Variants in NUP205 observed in about 807,000 individuals in gnomAD.
The protein encoded by NUP205 is nuclear pore complex protein Nup205.
A neutral mutation model predicts 253.8 loss-of-function variants in NUP205; 76 were observed. The ratio of observed to expected loss-of-function variants is 0.30; its 90% CI spans 0.25 to 0.36. NUP205 has a LOEUF of 0.36. NUP205 is among the 10% of genes least tolerant of loss of function. NUP205 has a pLI of 1.00. For missense variants in NUP205, 2,162 were observed against 2,425.5 expected (o/e 0.89, Z 2.28); for synonymous variants, 832 against 850.1 (o/e 0.98, Z 0.37).
intron 36 of NUP205, among the ~76,000 whole-genome samples, chr7:135,637,305 C>T (rs967656982): frequency 2.0e-5 from 3 of 152,208 alleles, no homozygotes; most frequent in African/African-American, 7.2e-5. Flanking sequence ...ACCCATGTCT[C>T]TAATTTGAAA....
chr7:135,602,625 C>G (rs1304214160), intron 17 of NUP205, among the ~76,000 whole-genome samples, 180 bp from the exon 18 acceptor site: 5 of 152,098 alleles, frequency 3.3e-5, no homozygotes, highest in Non-Finnish European at 7.3e-5. Context: ...GAAGTTGGAG[C>G]TGAAATTTTG....
At chr7:135,597,030 A>T (rs1168483351) in intron 13 of NUP205, among the ~76,000 whole-genome samples, 1 of 152,064 alleles carries the variant, frequency 6.6e-6, no homozygotes, top group African/African-American at 2.4e-5. Context: ...GGCTAGTTGT[A>T]AACAGTCCAG....
chr7:135,603,064 G>T, intron 18 of NUP205, 70 bp downstream of exon 18: 1 of 1,159,616 alleles, frequency 8.6e-7, no homozygotes, highest in Non-Finnish European at 1.2e-6. Context: ...TTCAAATCTG[G>T]TTAGGTATCT....
At chr7:135,558,842 C>T (rs1248296220) in intron 1 of NUP205, among the ~76,000 whole-genome samples, 2 of 152,170 alleles carry the variant, frequency 1.3e-5, no homozygotes, top group Non-Finnish European at 2.9e-5. Context: ...AAGAGTATAT[C>T]TGTGTGGTAA....
rs201451371 is a variant in NUP205, at chr7:135,637,917, C to A, written c.5137-14C>A. 1 of 1,596,002 alleles carries A rather than the reference C, an allele frequency of 6.3e-7. No homozygotes were observed. The highest frequency in any genetic ancestry group is 1.4e-5 in the African/African-American group (1 of 73,716). On this transcript the variant is annotated splice_polypyrimidine_tract_variant and intron_variant, in intron 36 of 42. Coordinates refer to ENST00000285968, the MANE Select transcript of NUP205 (RefSeq NM_015135.3). ...ATTTTAAATACATTTAACAAGATATCTTTTTCTTGTTAGCGCCAGTGCTTA... is the reference window on the plus strand; with the variant it reads ...ATTTTAAATACATTTAACAAGATATATTTTTCTTGTTAGCGCCAGTGCTTA...
intron 30 of NUP205, 80 bp from the exon 31 acceptor site, chr7:135,622,697 T>C (rs1325938753): frequency 1.6e-6 from 2 of 1,242,826 alleles, no homozygotes; most frequent in Non-Finnish European, 2.3e-6. Context: ...CCTTAGCTCA[T>C]ACCTAGCATG....
intron 2 of NUP205, among the ~76,000 whole-genome samples, chr7:135,572,947 TTTTTTTTTTC>T (rs1311337387): frequency 1.2e-4 from 18 of 151,072 alleles, no homozygotes; most frequent in East Asian, 7.7e-4. Context: ...TTTAGCTTTT[TTTTTTTTTTC>T]TTTTTTTTTC....
chr7:135,576,934 G>T, intron 4 of NUP205, 35 bp from the exon 5 acceptor site: 1 of 1,585,818 alleles, frequency 6.3e-7, no homozygotes, highest in Middle Eastern at 1.7e-4. Context: ...AAACAATATT[G>T]TTTAACGTAG....
At chr7:135,577,549 A>C (rs1194899629) in intron 5 of NUP205, among the ~76,000 whole-genome samples, 1 of 152,160 alleles carries the variant, frequency 6.6e-6, no homozygotes, top group African/African-American at 2.4e-5. Context: ...CGGTATAGTC[A>C]TTTATGTGCC....
chr7:135,633,171 C>T (rs1794747074), intron 35 of NUP205, among the ~76,000 whole-genome samples: 2 of 152,012 alleles, frequency 1.3e-5, no homozygotes, highest in Non-Finnish European at 2.9e-5. Context: ...TGCTATGTTG[C>T]CCAGGTGTTC....
Position 135,644,931 on chromosome 7 carries a change from A to G in NUP205, c.5596A>G (p.Ile1866Val). The change falls in exon 40 of 43, where the codon ATC becomes GTC. Residue 1866 changes from isoleucine to valine, a missense_variant. Ile to Val is a conservative substitution (Grantham distance 29, BLOSUM62 3). Coordinates refer to ENST00000285968, the MANE Select transcript of NUP205 (RefSeq NM_015135.3). ...TGTGATGCCTGCTGGTGTTGATAAAATCTCCACTGCTCAGAAATATGTTCT... is the reference window on the plus strand; with the variant it reads ...TGTGATGCCTGCTGGTGTTGATAAAGTCTCCACTGCTCAGAAATATGTTCT... ...QSVMPAGVDK[I>V]STAQKYVLAR... is the part of the protein sequence containing the mutation. 1.2e-6 allele frequency: 2 copies of G among 1,614,016 alleles called. No homozygotes were observed. Among genetic ancestry groups the G allele is most frequent in the Non-Finnish European group, 1.7e-6 (2 of 1,179,954 alleles).
intron 1 of NUP205, among the ~76,000 whole-genome samples, chr7:135,567,319 A>G (rs1200508746): frequency 2.0e-5 from 3 of 147,982 alleles, no homozygotes; most frequent in African/African-American, 5.0e-5. Flanking sequence ...GCAGTGGCTC[A>G]TGCCTTTCAT....
intron 17 of NUP205, among the ~76,000 whole-genome samples, chr7:135,602,525 G>A (rs1198859911): frequency 6.6e-6 from 1 of 152,202 alleles, no homozygotes. Flanking sequence ...AACAATAAGG[G>A]AAAAGATAAA....
Position 135,618,399 on chromosome 7 carries a change from C to T in NUP205, c.3772-13C>T, listed in dbSNP as rs759123375. The stretch of plus-strand genomic sequence containing the variant: ...GCCTGTTTAACCTTGTGATTCAATT[C>T]CTGTGGCTTTAGGAAATCAGCACTG... On this transcript the variant is annotated splice_polypyrimidine_tract_variant and intron_variant, in intron 27 of 42. Transcript: ENST00000285968. 6.8e-6 allele frequency: 11 copies of T among 1,611,540 alleles called. No homozygotes were observed. In the African/African-American group the frequency reaches 1.2e-4, roughly 18 times the overall value.
At chr7:135,579,631 A>G (rs1291077377) in intron 7 of NUP205, among the ~76,000 whole-genome samples, 2 of 152,060 alleles carry the variant, frequency 1.3e-5, no homozygotes, top group Non-Finnish European at 2.9e-5. Context: ...ATTAAAAAGG[A>G]GATATTTGGA....
intron 38 of NUP205, among the ~76,000 whole-genome samples, chr7:135,639,811 A>G (rs1456141064): frequency 2.6e-5 from 4 of 152,250 alleles, no homozygotes; most frequent in Admixed American, 1.3e-4. Flanking sequence ...ACCAACCCAA[A>G]TGTCCATCAA....
intron 1 of NUP205, among the ~76,000 whole-genome samples, chr7:135,563,422 C>T (rs552152963): frequency 3.3e-5 from 5 of 152,122 alleles, no homozygotes; most frequent in South Asian, 2.1e-4. Context: ...CTCCTGACCT[C>T]GTGATGTGGC....
Position 135,615,927 on chromosome 7 carries a change from T to C in NUP205, c.3322T>C (p.Ser1108Pro), listed in dbSNP as rs749166891. Residue 1108 changes from serine (S) to proline (P), a missense_variant, in exon 24 of 43, where the codon TCT becomes CCT. Physicochemically the swap from Ser to Pro is moderately conservative, Grantham distance 74. Transcript: ENST00000285968. ...TGTTTAAATTCTAGAATATGAAATA[T>C]CTATGCTGAACCAGATGTCATGGCT... ...LPFSNKEYEI[S>P]MLNQMSWLMK... 19 of 1,609,536 alleles carry C rather than the reference T, an allele frequency of 1.2e-5. No individual in the cohort carries two copies. The highest frequency in any genetic ancestry group is 1.7e-5 in the Admixed American group (1 of 59,028).
chr7:135,591,428 C>A, intron 10 of NUP205, 22 bp from the exon 11 acceptor site: 1 of 1,609,484 alleles, frequency 6.2e-7, no homozygotes, highest in Non-Finnish European at 8.5e-7. Context: ...TTATATAAAC[C>A]ATTTGTTTCT....
Sources: allele counts gnomAD v4.1 joint callset (sites outside exome capture counted in the v4.1 genomes callset), GRCh38; gene constraint gnomAD v4.1.1; transcripts MANE v1.5; gene names NCBI Gene and HGNC (gene_info 2026-07-23, HGNC 2026-07-21).